The following MALRD1 variants were observed in gnomAD, a reference collection of about 807,000 sequenced individuals.
MALRD1 encodes the protein MAM and LDL receptor class A domain containing 1.
MALRD1 carries 247 observed loss-of-function variants against 242.1 expected under a neutral mutation model. That is an observed-to-expected ratio of 1.02 (90% confidence interval 0.92 to 1.13). MALRD1 has a LOEUF of 1.13. Among genes scored for constraint, MALRD1 ranks in the 50% most tolerant of loss-of-function variants. The pLI is 0.00. For synonymous variants in MALRD1, 995 were observed against 866.6 expected, an observed-to-expected ratio of 1.15 and a Z score of -2.60; for missense variants, 2,989 against 2,533.1, an observed-to-expected ratio of 1.18 and a Z score of -3.86.
intron 7 of MALRD1, among the ~76,000 whole-genome samples, chr10:19,127,463 G>A (rs1458259798): frequency 6.6e-6 from 1 of 152,088 alleles, no homozygotes; most frequent in Non-Finnish European, 1.5e-5. Flanking sequence ...TGTCTTTCTT[G>A]TTGTATTTGG....
chr10:19,241,129 G>T (rs555799433), intron 18 of MALRD1, among the ~76,000 whole-genome samples: 1 of 152,190 alleles, frequency 6.6e-6, no homozygotes, highest in Non-Finnish European at 1.5e-5. Flanking sequence ...AAAGTTTGTG[G>T]AGAATTGGTA....
At chr10:19,675,623 A>C (rs1044989636) in intron 36 of MALRD1, among the ~76,000 whole-genome samples, 5 of 152,208 alleles carry the variant, frequency 3.3e-5, no homozygotes, top group African/African-American at 1.2e-4. Context: ...CTAAAATTGT[A>C]AGTGATTATT....
At chr10:19,419,095 C>G (rs944614568) in intron 28 of MALRD1, among the ~76,000 whole-genome samples, 10 of 152,164 alleles carry the variant, frequency 6.6e-5, no homozygotes, top group African/African-American at 2.4e-4. Flanking sequence ...AACCGCCTTC[C>G]TTTCCACATC....
chr10:19,632,082 T>C (rs914745046), intron 36 of MALRD1, among the ~76,000 whole-genome samples: 1 of 152,104 alleles, frequency 6.6e-6, no homozygotes, highest in African/African-American at 2.4e-5. Flanking sequence ...TTAATGAAGG[T>C]ATGAGCAAGG....
At chr10:19,712,765 T>G (rs973693301) in intron 38 of MALRD1, among the ~76,000 whole-genome samples, 3 of 152,180 alleles carry the variant, frequency 2.0e-5, no homozygotes, top group Non-Finnish European at 2.9e-5. Flanking sequence ...CCTTTCCAAC[T>G]GTGGAAACTC....
intron 14 of MALRD1, among the ~76,000 whole-genome samples, chr10:19,183,167 G>C (rs1324152022): frequency 6.4e-5 from 9 of 140,230 alleles, no homozygotes; most frequent in Non-Finnish European, 1.2e-4. Context: ...TTTATACTGT[G>C]AATCTGTTTA....
intron 30 of MALRD1, among the ~76,000 whole-genome samples, chr10:19,492,397 A>T (rs1384764494): frequency 1.3e-5 from 2 of 151,974 alleles, no homozygotes; most frequent in African/African-American, 4.8e-5. Context: ...TTTGCTCACA[A>T]TTTTTTGGGT....
intron 28 of MALRD1, among the ~76,000 whole-genome samples, chr10:19,408,762 T>G (rs1461674887): frequency 6.6e-6 from 1 of 152,096 alleles, no homozygotes; most frequent in African/African-American, 2.4e-5. Flanking sequence ...AAAATTTAAA[T>G]GATAATAACG....
intron 31 of MALRD1, among the ~76,000 whole-genome samples, chr10:19,506,575 A>T (rs1292532281): frequency 6.6e-6 from 1 of 152,114 alleles, no homozygotes; most frequent in African/African-American, 2.4e-5. Flanking sequence ...TACTAAAAAT[A>T]TTGTTGAGAT....
intron 8 of MALRD1, among the ~76,000 whole-genome samples, chr10:19,133,546 TA>T (rs1409635228): frequency 6.6e-6 from 1 of 152,214 alleles, no homozygotes; most frequent in Non-Finnish European, 1.5e-5. Flanking sequence ...TTGCTGATCT[TA>T]TTAACTGTTA....
chr10:19,047,205 G>T (rs1834358421), upstream of MALRD1, among the ~76,000 whole-genome samples: 1 of 152,172 alleles, frequency 6.6e-6, no homozygotes, highest in Admixed American at 6.5e-5. Context: ...GGTGAGAGTA[G>T]TCCAGGAACA....
chr10:19,573,546 A>G (rs1267289085), intron 33 of MALRD1, among the ~76,000 whole-genome samples: 1 of 152,110 alleles, frequency 6.6e-6, no homozygotes, highest in Admixed American at 6.5e-5. Context: ...TCTTCCCAGA[A>G]CAATCATTAA....
chr10:19,322,347 G>C (rs989515243), intron 21 of MALRD1, among the ~76,000 whole-genome samples: 8 of 152,164 alleles, frequency 5.3e-5, no homozygotes, highest in Non-Finnish European at 1.0e-4. Flanking sequence ...TGATAATTCT[G>C]CGTCTTAAAA....
At chr10:19,224,321 C>T (rs1220855473) in intron 18 of MALRD1, among the ~76,000 whole-genome samples, 3 of 146,934 alleles carry the variant, frequency 2.0e-5, no homozygotes, top group African/African-American at 7.6e-5. Flanking sequence ...CAGCCTCACT[C>T]TGTCACCCAG....
chr10:19,126,579 A>C (rs1021230664), intron 7 of MALRD1, among the ~76,000 whole-genome samples: 12 of 152,094 alleles, frequency 7.9e-5, no homozygotes, highest in Admixed American at 3.9e-4. Context: ...GTGTATCTTA[A>C]TATGTTTTTA....
intron 28 of MALRD1, among the ~76,000 whole-genome samples, chr10:19,411,649 G>A (rs751675954): frequency 5.9e-5 from 9 of 152,068 alleles, no homozygotes; most frequent in Non-Finnish European, 1.3e-4. Flanking sequence ...GGATCCGAGC[G>A]CTTAACTATC....
rs959923365 is a variant in MALRD1 at position 19,204,962 on chromosome 10, G to A, written c.2275G>A (p.Asp759Asn). The change falls in exon 17 of 40, where the codon GAC becomes AAC. Residue 759 changes from aspartate to asparagine, a missense_variant. Coordinates refer to ENST00000454679, the MANE Select transcript of MALRD1 (RefSeq NM_001142308.3). The part of the protein sequence containing the change: ...ELQLHMENSH[D>N]STVIWRVLYN... ...GCAGCTACATATGGAAAATTCTCAT[G>A]ACTCAACAGTGATTTGGAGAGTATT... The A allele has an allele frequency of 6.4e-7, 1 of 1,550,570 alleles. No homozygotes were observed. Among genetic ancestry groups the A allele is most frequent in the Non-Finnish European group, 8.7e-7 (1 of 1,146,948 alleles).
intron 26 of MALRD1, among the ~76,000 whole-genome samples, chr10:19,355,725 G>A (rs2131011211): frequency 6.6e-6 from 1 of 150,916 alleles, no homozygotes; most frequent in East Asian, 1.9e-4. Context: ...CTTGGTAAAA[G>A]TGATATGCTA....
In MALRD1 at chr10:19,087,927, A is replaced by G; in HGVS notation, c.428A>G (p.Asp143Gly). The change falls in exon 3 of 40, where the codon GAC becomes GGC. Residue 143 changes from aspartate (D) to glycine (G), a missense_variant. Asp to Gly is a moderately conservative substitution (Grantham distance 94). Coordinates refer to ENST00000454679, the MANE Select transcript of MALRD1 (RefSeq NM_001142308.3). ...RVFLPTNDQHDCQITFYYFSC... is the reference protein window; with the variant it reads ...RVFLPTNDQHGCQITFYYFSC... ...TTCCTTCCAACAAATGATCAACATG[A>G]CTGCCAGGTATTTGAAAGCACACAG... is the stretch of plus-strand genomic sequence containing the variant. 4.9e-6 allele frequency: 6 copies of G among 1,233,208 alleles called. No homozygotes were observed. Among genetic ancestry groups the G allele is most frequent in the African/African-American group, 1.5e-5 (1 of 64,558 alleles). 76.4% of individuals were successfully genotyped at this position (1,233,208 alleles called of 1,614,324 possible). A position where few individuals can be genotyped will look rare whatever the true frequency, so the allele number is the denominator to read the frequency against.
Sources: allele counts gnomAD v4.1 joint callset (sites outside exome capture counted in the v4.1 genomes callset), GRCh38; gene constraint gnomAD v4.1.1; transcripts MANE v1.5; gene names NCBI Gene and HGNC (gene_info 2026-07-23, HGNC 2026-07-21).